Variants in NCKAP5 observed in about 807,000 individuals in gnomAD.
NCKAP5 encodes the protein nck-associated protein 5.
Under a neutral mutation model 167.0 loss-of-function variants are expected in NCKAP5, and 92 were observed. The observed-to-expected ratio is 0.55, with a 90% CI of 0.47 to 0.66. The LOEUF (loss-of-function observed/expected upper bound fraction) is 0.66, where lower values mean the gene tolerates loss of function less well. Among genes scored for constraint, NCKAP5 ranks in the 30% least tolerant of loss-of-function variants. The pLI, the probability that NCKAP5 is intolerant of heterozygous loss-of-function variation, is 0.00. For missense variants in NCKAP5, 2,378 were observed against 2,315.0 expected, an observed-to-expected ratio of 1.03 and a Z score of -0.56; for synonymous variants, 891 against 877.4, an observed-to-expected ratio of 1.02 and a Z score of -0.27.
chr2:132,866,374 C>T (rs1690355040), intron 10 of NCKAP5, among the ~76,000 whole-genome samples: 1 of 152,116 alleles, frequency 6.6e-6, no homozygotes, highest in Admixed American at 6.5e-5. Context: ...TTAATTCGCA[C>T]TTGTAGACTT....
chr2:133,022,427 G>A (rs745665072), intron 6 of NCKAP5, among the ~76,000 whole-genome samples: 36 of 152,212 alleles, frequency 2.4e-4, no homozygotes, highest in Non-Finnish European at 4.7e-4. Flanking sequence ...TTCAAACTGA[G>A]GGCACCTAGG....
chr2:132,818,851 A>G (rs1331022721), intron 11 of NCKAP5, among the ~76,000 whole-genome samples: 1 of 152,204 alleles, frequency 6.6e-6, no homozygotes, highest in Non-Finnish European at 1.5e-5. Context: ...TTATCATATT[A>G]TAGCTGTTGA....
chr2:133,192,327 A>C (rs1447342720), intron 5 of NCKAP5, among the ~76,000 whole-genome samples: 1 of 152,142 alleles, frequency 6.6e-6, no homozygotes, highest in Non-Finnish European at 1.5e-5. Flanking sequence ...AAATAGGAGA[A>C]AATTGTTGAG....
At chr2:133,018,821 A>G (rs993068017) in intron 6 of NCKAP5, among the ~76,000 whole-genome samples, 5 of 152,224 alleles carry the variant, frequency 3.3e-5, no homozygotes, top group African/African-American at 7.2e-5. Context: ...ATTTTATCTC[A>G]AAAAGAAGCC....
At chr2:133,009,479 A>G (rs2078079644) in intron 6 of NCKAP5, among the ~76,000 whole-genome samples, 1 of 152,162 alleles carries the variant, frequency 6.6e-6, no homozygotes, top group African/African-American at 2.4e-5. Flanking sequence ...AAAGGAAAAG[A>G]TGAATCTAAT....
chr2:132,821,564 G>T (rs1686735350), intron 11 of NCKAP5, among the ~76,000 whole-genome samples: 1 of 152,194 alleles, frequency 6.6e-6, no homozygotes, highest in Non-Finnish European at 1.5e-5. Flanking sequence ...AGCAGGAGCT[G>T]TTGTGGATAG....
chr2:133,278,822 G>A (rs2089835892), intron 4 of NCKAP5, among the ~76,000 whole-genome samples: 2 of 146,644 alleles, frequency 1.4e-5, no homozygotes, highest in African/African-American at 2.5e-5. Flanking sequence ...AAGGGGGAAA[G>A]GCCAAAAACT....
At chr2:133,064,493 G>GAA (rs536969141) in intron 6 of NCKAP5, among the ~76,000 whole-genome samples, 84 of 144,836 alleles carry the variant, frequency 5.8e-4, no homozygotes, top group African/African-American at 2.1e-3. Context: ...TTATACAACT[G>GAA]AAAAAAAAAA....
the NCKAP5 span, among the ~76,000 whole-genome samples, chr2:133,576,171 C>A: frequency 1.8e-4 from 27 of 152,268 alleles, no homozygotes; most frequent in African/African-American, 5.5e-4. Context: ...GGCTCCAGGG[C>A]CTAAGGTCCA....
intron 19 of NCKAP5, among the ~76,000 whole-genome samples, chr2:132,710,303 A>G (rs1433906800): frequency 6.6e-6 from 1 of 152,230 alleles, no homozygotes; most frequent in Non-Finnish European, 1.5e-5. Context: ...TCCTGAATGG[A>G]GAAACACTGG....
chr2:132,757,431 A>G (rs1229164187), intron 16 of NCKAP5, among the ~76,000 whole-genome samples: 1 of 152,224 alleles, frequency 6.6e-6, no homozygotes, highest in Admixed American at 6.5e-5. Flanking sequence ...AACTGGAAAC[A>G]TACATAGTTT....
intron 8 of NCKAP5, among the ~76,000 whole-genome samples, chr2:132,885,559 C>A (rs182634163): frequency 1.6e-4 from 25 of 152,274 alleles, no homozygotes; most frequent in Admixed American, 1.4e-3. Flanking sequence ...TAAATATGTT[C>A]ATGGTTTCAT....
chr2:132,922,215 GAA>G (rs1387088937), intron 8 of NCKAP5, among the ~76,000 whole-genome samples: 1 of 152,138 alleles, frequency 6.6e-6, no homozygotes, highest in East Asian at 1.9e-4. Context: ...CATTAAGGAG[GAA>G]AAGAGTATTC....
intron 19 of NCKAP5, among the ~76,000 whole-genome samples, chr2:132,707,772 A>T (rs781686234): frequency 3.3e-5 from 5 of 152,214 alleles, no homozygotes; most frequent in Non-Finnish European, 7.3e-5. Context: ...GATCTCTCAT[A>T]GCTTTGCGAG....
intron 7 of NCKAP5, among the ~76,000 whole-genome samples, chr2:132,992,571 T>C (rs2077479142): frequency 6.6e-6 from 1 of 152,248 alleles, no homozygotes; most frequent in Admixed American, 6.5e-5. Flanking sequence ...CCTTTCAGGC[T>C]GCATCGAACC....
chr2:133,388,426 C>T (rs1326086656), intron 3 of NCKAP5, among the ~76,000 whole-genome samples: 1 of 152,186 alleles, frequency 6.6e-6, no homozygotes, highest in African/African-American at 2.4e-5. Flanking sequence ...GGTACCCGGC[C>T]GTGTGAGGTG....
intron 8 of NCKAP5, among the ~76,000 whole-genome samples, chr2:132,920,542 T>C (rs942511547): frequency 6.7e-6 from 1 of 150,354 alleles, no homozygotes; most frequent in Non-Finnish European, 1.5e-5. Context: ...AAAGTTCCTG[T>C]AAGAAAATTC....
intron 4 of NCKAP5, among the ~76,000 whole-genome samples, chr2:133,249,476 A>G (rs1430450290): frequency 6.6e-6 from 1 of 152,198 alleles, no homozygotes; most frequent in African/African-American, 2.4e-5. Flanking sequence ...GAACTATGAG[A>G]TAATACATTT....
intron 6 of NCKAP5, among the ~76,000 whole-genome samples, chr2:133,031,478 G>C (rs1254397361): frequency 6.6e-6 from 1 of 152,194 alleles, no homozygotes; most frequent in Non-Finnish European, 1.5e-5. Context: ...TTGCCACTGA[G>C]GGCCACATTG....
Sources: gnomAD v4.1 joint callset for allele counts (sites outside exome capture counted in the v4.1 genomes callset) on GRCh38, gnomAD v4.1.1 for gene constraint, MANE v1.5 for transcripts, NCBI Gene and HGNC (gene_info 2026-07-23, HGNC 2026-07-21) for gene names.